Variants in MTBP observed in about 807,000 individuals in gnomAD.
MTBP encodes the protein MDM2 binding protein.
MTBP carries 101 observed loss-of-function variants against 117.0 expected under a neutral mutation model. That is an observed-to-expected ratio of 0.86 (90% CI 0.73 to 1.02). The LOEUF is 1.02. Ranked by LOEUF, MTBP falls within the 50% of genes least tolerant of loss-of-function variation. The pLI is 0.00. For missense variants in MTBP, 970 were observed against 1,030.9 expected (o/e 0.94, Z 0.81); for synonymous variants, 350 against 351.5 (o/e 1.00, Z 0.05).
chr8:120,473,772 A>T (rs560640287), intron 11 of MTBP: 3 of 152,190 alleles, frequency 2.0e-5, no homozygotes, highest in Admixed American at 6.5e-5. Context: ...TCAGAAATAG[A>T]TTTTCTGAGT....
intron 2 of MTBP, among the ~76,000 whole-genome samples, chr8:120,448,151 TG>T (rs1204371591): frequency 1.3e-5 from 2 of 152,108 alleles, no homozygotes; most frequent in African/African-American, 4.8e-5. Context: ...AGGCTGGTCT[TG>T]AACACCTGGG....
rs150614677 is a variant in MTBP, at chr8:120,496,651, C to A, written c.1448-742C>A. Among the ~76,000 whole-genome samples, 10 of 151,754 alleles carry A rather than the reference C, an allele frequency of 6.6e-5. 1 individual carries two copies. The highest frequency in any genetic ancestry group is 2.4e-4 in the African/African-American group (10 of 41,386). On this transcript the variant is annotated intron_variant, in intron 13 of 21. Coordinates refer to ENST00000305949, the MANE Select transcript of MTBP (RefSeq NM_022045.5). ...TTCAATGAATAGATTTTTCCTTAAT[C>A]CCTTGGTTTTAACACCAGCCTCAAT...
At position 120,451,323 on chromosome 8, in the gene MTBP, G is replaced by C; in HGVS notation, c.425+1G>C. On this transcript the variant is annotated splice_donor_variant, in intron 4 of 21. Coordinates refer to ENST00000305949, the MANE Select transcript of MTBP (RefSeq NM_022045.5). LOFTEE classifies it high-confidence loss of function. ...GCAGGGAATCATTATCCTTGGCTGA[G>C]TATGCTTATATGGTTTTTGTATTAT... 6.2e-7 allele frequency: 1 copy of C among 1,610,036 alleles called. No homozygotes were observed. The highest frequency in any genetic ancestry group is 8.5e-7 in the Non-Finnish European group (1 of 1,176,790).
Position 120,510,028 on chromosome 8 carries a change from G to A in MTBP, c.1978G>A (p.Glu660Lys), listed in dbSNP as rs1814767818. 3 of 1,601,726 alleles carry A rather than the reference G, an allele frequency of 1.9e-6. No homozygotes were observed. The highest frequency in any genetic ancestry group is 1.1e-5 in the South Asian group (1 of 89,918). ...CTCAGTATGTCATTATCATGGAATTGAGTAAGTTTTTATTTGTACTTTACT... is the reference window on the plus strand; with the variant it reads ...CTCAGTATGTCATTATCATGGAATTAAGTAAGTTTTTATTTGTACTTTACT... ...KASVCHYHGIEYCLDDRKALE... is the reference protein window; with the variant it reads ...KASVCHYHGIKYCLDDRKALE... The change falls in exon 17 of 22, where the codon GAA becomes AAA. Residue 660 changes from glutamate (E) to lysine (K), a missense_variant and splice_region_variant. Coordinates refer to ENST00000305949, the MANE Select transcript of MTBP (RefSeq NM_022045.5).
chr8:120,507,694 G>T (rs1586969299), intron 16 of MTBP, among the ~76,000 whole-genome samples: 1 of 152,012 alleles, frequency 6.6e-6, no homozygotes, highest in East Asian at 1.9e-4. Context: ...GAACATTATT[G>T]CTTTATGTGC....
chr8:120,458,539 C>A (rs1168413003), intron 7 of MTBP, among the ~76,000 whole-genome samples: 1 of 151,962 alleles, frequency 6.6e-6, no homozygotes, highest in African/African-American at 2.4e-5. Context: ...TGCTAAGGAT[C>A]TAGTAAAGAA....
chr8:120,513,675 T>G (rs930925761), intron 17 of MTBP, among the ~76,000 whole-genome samples: 1 of 151,986 alleles, frequency 6.6e-6, no homozygotes, highest in African/African-American at 2.4e-5. Context: ...AATCTTAAGG[T>G]AGAAAGAAAT....
At chr8:120,479,359 A>G (rs775258073) in intron 11 of MTBP, among the ~76,000 whole-genome samples, 2 of 152,250 alleles carry the variant, frequency 1.3e-5, no homozygotes, top group Non-Finnish European at 2.9e-5. Flanking sequence ...CTTGAGAAAT[A>G]AAGGACTGAT....
intron 16 of MTBP, among the ~76,000 whole-genome samples, chr8:120,509,236 C>T (rs1434514271): frequency 6.6e-6 from 1 of 152,152 alleles, no homozygotes; most frequent in Non-Finnish European, 1.5e-5. Flanking sequence ...TTTAATTATT[C>T]CCCTGCAGAA....
intron 13 of MTBP, among the ~76,000 whole-genome samples, chr8:120,496,925 A>G (rs1336452580): frequency 6.6e-6 from 1 of 152,154 alleles, no homozygotes; most frequent in Non-Finnish European, 1.5e-5. Context: ...CCACTCGGTC[A>G]TTTATGTCTT....
At chr8:120,519,443 G>T (rs1447100765) in intron 20 of MTBP, among the ~76,000 whole-genome samples, 1 of 152,026 alleles carries the variant, frequency 6.6e-6, no homozygotes, top group Non-Finnish European at 1.5e-5. Flanking sequence ...TCAGCTAGTT[G>T]TAAGACATTG....
intron 11 of MTBP, 24 bp from the exon 12 acceptor site, chr8:120,488,135 A>C: frequency 6.4e-7 from 1 of 1,560,078 alleles, no homozygotes; most frequent in African/African-American, 1.4e-5. Context: ...TCACATACTT[A>C]ACAAGATAAT....
chr8:120,481,668 G>C (rs1814088074), intron 11 of MTBP, among the ~76,000 whole-genome samples: 1 of 152,190 alleles, frequency 6.6e-6, no homozygotes, highest in Admixed American at 6.5e-5. Flanking sequence ...GACTGCAAAG[G>C]TGTGATGGAA....
chr8:120,445,508 G>A lies in MTBP; in HGVS notation c.38G>A (p.Gly13Glu). ...RYLLLVIWGEGKFPSAASREA... is the reference protein window; with the variant it reads ...RYLLLVIWGEEKFPSAASREA... ...CTGCTGCTGGTGATCTGGGGGGAAG[G>A]AAAATTCCCGTCGGCGGCCAGTAGG... Residue 13 changes from glycine to glutamate, a missense_variant, in exon 1 of 22, where the codon GGA becomes GAA. By Grantham distance (98) the Gly-to-Glu change is moderately conservative. Coordinates refer to ENST00000305949, the MANE Select transcript of MTBP (RefSeq NM_022045.5). The A allele has an allele frequency of 2.5e-6, 4 of 1,613,614 alleles. No homozygotes were observed. Among genetic ancestry groups the A allele is most frequent in the Non-Finnish European group, 3.4e-6 (4 of 1,179,794 alleles).
chr8:120,522,820 T>TG, intron 21 of MTBP, 101 bp downstream of exon 21: 1 of 824,506 alleles, frequency 1.2e-6, no homozygotes. Context: ...CAGTTACTGG[T>TG]CTTTTTCAAC....
At chr8:120,468,989 T>C (rs1256860753) in intron 10 of MTBP, among the ~76,000 whole-genome samples, 1 of 152,140 alleles carries the variant, frequency 6.6e-6, no homozygotes, top group Non-Finnish European at 1.5e-5. Context: ...ATTTTTTAAA[T>C]TTTTGCTCAG....
At chr8:120,497,633 T>TA (rs1814498484) in intron 14 of MTBP, 79 bp downstream of exon 14, 1 of 865,284 alleles carries the variant, frequency 1.2e-6, no homozygotes. Flanking sequence ...TTATAAAATG[T>TA]ATTGGTCAAA....
At chr8:120,470,578 G>A (rs567629815) in intron 10 of MTBP, among the ~76,000 whole-genome samples, 1 of 152,316 alleles carries the variant, frequency 6.6e-6, no homozygotes, top group Admixed American at 6.5e-5. Context: ...GAAAAGGGAA[G>A]CCTGTAGCTT....
At chr8:120,500,328 A>G (rs889494410) in intron 14 of MTBP, among the ~76,000 whole-genome samples, 1 of 152,212 alleles carries the variant, frequency 6.6e-6, no homozygotes, top group Non-Finnish European at 1.5e-5. Context: ...CACAAAAGAC[A>G]TGAGACATAT....
Sources: gnomAD v4.1 joint callset for allele counts (sites outside exome capture counted in the v4.1 genomes callset) on GRCh38, gnomAD v4.1.1 for gene constraint, MANE v1.5 for transcripts, NCBI Gene and HGNC (gene_info 2026-07-23, HGNC 2026-07-21) for gene names.